PSMA1: variants seen among roughly 807,000 people sequenced by gnomAD.
PSMA1 encodes the protein proteasome subunit alpha type-1.
In PSMA1, 3 loss-of-function variants were observed where a neutral mutation model predicts 38.4. The ratio of observed to expected loss-of-function variants is 0.08; its 90% CI spans 0.04 to 0.20. PSMA1 has a LOEUF of 0.20. PSMA1 is among the 10% of genes least tolerant of loss of function. The pLI is 1.00. For synonymous variants in PSMA1, 101 were observed against 107.1 expected (o/e 0.94, Z 0.35); for missense variants, 227 against 325.3 (o/e 0.70, Z 2.32).
At chr11:14,577,681 G>A (rs1418856158) in intron 2 of PSMA1, among the ~76,000 whole-genome samples, 15 of 152,178 alleles carry the variant, frequency 9.9e-5, no homozygotes, top group Admixed American at 9.8e-4. Flanking sequence ...TATTACAACT[G>A]TTTTACAGAT....
chr11:14,545,108 G>A (rs1016166578), intron 2 of PSMA1, among the ~76,000 whole-genome samples: 1 of 152,164 alleles, frequency 6.6e-6, no homozygotes, highest in African/African-American at 2.4e-5. Context: ...AGTGAAGATT[G>A]CATAATTCTG....
intron 2 of PSMA1, among the ~76,000 whole-genome samples, chr11:14,549,711 A>G (rs1851866554): frequency 6.6e-6 from 1 of 151,854 alleles, no homozygotes; most frequent in African/African-American, 2.4e-5. Context: ...AAAAAAAAAA[A>G]AAAAAAAGAG....
At chr11:14,542,955 G>A (rs1046159001) in intron 2 of PSMA1, among the ~76,000 whole-genome samples, 1 of 152,002 alleles carries the variant, frequency 6.6e-6, no homozygotes, top group South Asian at 2.1e-4. Context: ...TCCCAGGTTC[G>A]AGTGATTCTC....
chr11:14,584,504 T>TG (rs1852318973), intron 2 of PSMA1, among the ~76,000 whole-genome samples: 1 of 149,556 alleles, frequency 6.7e-6, no homozygotes, highest in African/African-American at 2.5e-5. Context: ...TTTTTTGTTT[T>TG]TTGTTTTTTT....
At chr11:14,604,314 G>A (rs779999535) in intron 2 of PSMA1, among the ~76,000 whole-genome samples, 6 of 152,022 alleles carry the variant, frequency 3.9e-5, no homozygotes, top group Non-Finnish European at 7.4e-5. Context: ...CACCCACCTC[G>A]GCCTCCCAAA....
intron 2 of PSMA1, among the ~76,000 whole-genome samples, chr11:14,575,277 T>C (rs992167819): frequency 3.9e-5 from 6 of 152,198 alleles, no homozygotes; most frequent in African/African-American, 1.4e-4. Flanking sequence ...TTAATTATAA[T>C]ACTTTAAATT....
Position 14,505,097 on chromosome 11 carries a change from T to C in PSMA1, c.*95A>G. The C allele has an allele frequency of 8.6e-7, 1 of 1,167,326 alleles. No individual in the cohort carries two copies. Among genetic ancestry groups the C allele is most frequent in the East Asian group, 2.4e-5 (1 of 42,550 alleles). 72.3% of individuals were successfully genotyped at this position (1,167,326 alleles called of 1,614,324 possible). A position where few individuals can be genotyped will look rare whatever the true frequency, so the allele number is the denominator to read the frequency against. On this transcript the variant is annotated 3_prime_UTR_variant, in exon 10 of 10. Coordinates refer to ENST00000396394, the MANE Select transcript of PSMA1 (RefSeq NM_002786.4). ...CCTAAAACATAGCATTCCACCACTC[T>C]GCAACTTTTGGTTCAAAGTATAGAT...
intron 1 of PSMA1, among the ~76,000 whole-genome samples, chr11:14,616,130 A>G (rs1852769564): frequency 6.6e-6 from 1 of 152,166 alleles, no homozygotes; most frequent in Admixed American, 6.5e-5. Context: ...CATCCAGTAA[A>G]GAGCCAAGAA....
intron 2 of PSMA1, among the ~76,000 whole-genome samples, chr11:14,564,381 CT>C (rs1251954090): frequency 1.3e-5 from 2 of 151,982 alleles, no homozygotes; most frequent in Admixed American, 6.5e-5. Context: ...ATAATGTGTT[CT>C]TTTTTATTGT....
intron 8 of PSMA1, among the ~76,000 whole-genome samples, chr11:14,509,868 C>T (rs1308772558): frequency 1.3e-5 from 2 of 151,974 alleles, no homozygotes; most frequent in African/African-American, 2.4e-5. Context: ...GGACTACAGG[C>T]GCCTGCCACC....
At chr11:14,623,558 A>G (rs1212385573) in intron 1 of PSMA1, among the ~76,000 whole-genome samples, 1 of 152,192 alleles carries the variant, frequency 6.6e-6, no homozygotes. Context: ...TCTGGGGTAG[A>G]GGTATGCAGG....
intron 1 of PSMA1, among the ~76,000 whole-genome samples, chr11:14,620,733 G>C (rs893306927): frequency 6.6e-6 from 1 of 152,202 alleles, no homozygotes; most frequent in Non-Finnish European, 1.5e-5. Context: ...TTTTGTAGAT[G>C]AAAGAATTCA....
At chr11:14,552,881 T>C (rs1851902438) in intron 2 of PSMA1, among the ~76,000 whole-genome samples, 1 of 150,190 alleles carries the variant, frequency 6.7e-6, no homozygotes, top group Non-Finnish European at 1.5e-5. Flanking sequence ...TGGAGTGTAG[T>C]AGTGCTATTA....
intron 1 of PSMA1, among the ~76,000 whole-genome samples, chr11:14,623,337 C>T (rs1590014249): frequency 6.6e-6 from 1 of 152,280 alleles, no homozygotes; most frequent in South Asian, 2.1e-4. Flanking sequence ...TGGACCATGG[C>T]TGCATTACAA....
At chr11:14,567,272 C>T (rs944866046) in intron 2 of PSMA1, among the ~76,000 whole-genome samples, 1 of 152,020 alleles carries the variant, frequency 6.6e-6, no homozygotes, top group African/African-American at 2.4e-5. Context: ...GTTCAAAACA[C>T]CTTCTTTTCT....
chr11:14,618,093 C>T (rs1014391134), intron 1 of PSMA1, among the ~76,000 whole-genome samples: 20 of 152,204 alleles, frequency 1.3e-4, no homozygotes, highest in African/African-American at 4.6e-4. Context: ...ATGCTCTAGC[C>T]TATGGCCTCC....
At chr11:14,517,219 T>C (rs1022830384) in intron 4 of PSMA1, among the ~76,000 whole-genome samples, 3 of 152,230 alleles carry the variant, frequency 2.0e-5, no homozygotes, top group African/African-American at 7.2e-5. Context: ...CTGAGTCACT[T>C]ATGTATACCC....
intron 2 of PSMA1, among the ~76,000 whole-genome samples, chr11:14,542,603 T>C (rs1439701617): frequency 6.6e-6 from 1 of 152,140 alleles, no homozygotes; most frequent in Non-Finnish European, 1.5e-5. Flanking sequence ...AAGCAGCTGG[T>C]GTCATAAACC....
rs545062033 is a variant in PSMA1 at position 14,640,430 on chromosome 11, T to A, written c.-166+3025A>T. On this transcript the variant is annotated intron_variant, in intron 1 of 10. Transcript: ENST00000418988. The stretch of plus-strand genomic sequence containing the variant: ...TTCTTTTGTGCTATTTAATAGTCTA[T>A]GTGCAGACATTCTATCTCCCAGATA... Among the ~76,000 whole-genome samples, 76 of 152,364 alleles carry A rather than the reference T, an allele frequency of 5.0e-4. 3 individuals carry two copies. The South Asian group carries it at 0.016, about 31-fold the overall frequency.
Sources: gnomAD v4.1 joint callset for allele counts (sites outside exome capture counted in the v4.1 genomes callset) on GRCh38, gnomAD v4.1.1 for gene constraint, MANE v1.5 for transcripts, NCBI Gene and HGNC (gene_info 2026-07-23, HGNC 2026-07-21) for gene names.